The following FBXL17 variants were observed in gnomAD, a reference collection of about 807,000 sequenced individuals.
The protein encoded by FBXL17 is F-box/LRR-repeat protein 17.
A neutral mutation model predicts 66.2 loss-of-function variants in FBXL17; 22 were observed. That is an observed-to-expected ratio of 0.33 (90% confidence interval 0.24 to 0.47). The LOEUF (loss-of-function observed/expected upper bound fraction) is 0.47. FBXL17 is among the 20% of genes least tolerant of loss of function. The pLI, the probability that FBXL17 is intolerant of heterozygous loss-of-function variation, is 1.00. For missense variants in FBXL17, 878 were observed against 948.2 expected (o/e 0.93, Z 0.97); for synonymous variants, 474 against 400.5 (o/e 1.18, Z -2.19).
At chr5:107,883,609 T>A (rs1748866689) in intron 7 of FBXL17, among the ~76,000 whole-genome samples, 2 of 152,150 alleles carry the variant, frequency 1.3e-5, no homozygotes, top group Admixed American at 1.3e-4. Context: ...TCAGAACTGA[T>A]CACCCTAGCA....
In FBXL17 at chr5:108,170,694, C is replaced by T. The variant is rs111595555; in HGVS notation, c.1745+15423G>A. 6.9e-3 allele frequency among the ~76,000 whole-genome samples: 1,043 copies of T among 152,072 alleles called. 15 individuals carry two copies. Among genetic ancestry groups the T allele is most frequent in the African/African-American group, 0.024 (986 of 41,468 alleles). ...GACTATAAGTGTCTGCCACCAGGCC[C>T]GGCTAATTTTTGTATTTTCAGTAGA... On this transcript the variant is annotated intron_variant, in intron 6 of 8. Coordinates refer to ENST00000542267, the MANE Select transcript of FBXL17 (RefSeq NM_001163315.3).
chr5:108,169,092 G>A (rs994832036), intron 6 of FBXL17, among the ~76,000 whole-genome samples: 17 of 152,062 alleles, frequency 1.1e-4, no homozygotes, highest in African/African-American at 3.9e-4. Context: ...GGCCTGCTTG[G>A]TAATACTTTA....
At chr5:108,271,383 C>G (rs1005064621) in intron 4 of FBXL17, among the ~76,000 whole-genome samples, 2 of 152,172 alleles carry the variant, frequency 1.3e-5, no homozygotes, top group Non-Finnish European at 2.9e-5. Flanking sequence ...AGAGGAGGCA[C>G]CAGAATATAC....
At chr5:107,928,332 TG>T (rs1227014673) in intron 7 of FBXL17, among the ~76,000 whole-genome samples, 1 of 152,024 alleles carries the variant, frequency 6.6e-6, no homozygotes, top group Non-Finnish European at 1.5e-5. Context: ...CACCATTAGT[TG>T]AGAAACATTT....
intron 4 of FBXL17, among the ~76,000 whole-genome samples, chr5:108,232,794 T>TATATATATATA (rs1755418084): frequency 5.6e-5 from 7 of 124,772 alleles, no homozygotes; most frequent in African/African-American, 2.3e-4. Flanking sequence ...TATATATATA[T>TATATATATATA]ATATATATAT....
chr5:108,072,344 C>T (rs1372788787), intron 6 of FBXL17, among the ~76,000 whole-genome samples: 1 of 152,144 alleles, frequency 6.6e-6, no homozygotes, highest in Non-Finnish European at 1.5e-5. Flanking sequence ...ATAGTTATTA[C>T]CAGAAATTAA....
At chr5:107,998,037 C>T (rs1304966829) in intron 7 of FBXL17, among the ~76,000 whole-genome samples, 1 of 152,086 alleles carries the variant, frequency 6.6e-6, no homozygotes, top group Non-Finnish European at 1.5e-5. Flanking sequence ...CATAGATAGT[C>T]CAAATTGAGA....
At chr5:108,228,643 C>T (rs1490020906) in intron 4 of FBXL17, among the ~76,000 whole-genome samples, 1 of 152,150 alleles carries the variant, frequency 6.6e-6, no homozygotes, top group Non-Finnish European at 1.5e-5. Context: ...ACTCCAGGTT[C>T]CCCTTTCTTC....
chr5:107,967,125 A>T (rs1198097145), intron 7 of FBXL17, among the ~76,000 whole-genome samples: 1 of 152,086 alleles, frequency 6.6e-6, no homozygotes, highest in Non-Finnish European at 1.5e-5. Flanking sequence ...TACACTATTC[A>T]TATCATTATT....
intron 6 of FBXL17, among the ~76,000 whole-genome samples, chr5:108,149,461 T>C (rs868804142): frequency 6.6e-6 from 1 of 152,316 alleles, no homozygotes; most frequent in African/African-American, 2.4e-5. Context: ...TAAGTAGATC[T>C]CACATTTAAG....
At chr5:108,076,531 T>TA (rs1279783935) in intron 6 of FBXL17, among the ~76,000 whole-genome samples, 2 of 145,924 alleles carry the variant, frequency 1.4e-5, no homozygotes, top group Non-Finnish European at 3.0e-5. Context: ...GAAAGGTTAT[T>TA]AAAAAGCATA....
chr5:108,193,763 G>A (rs968623015), intron 5 of FBXL17, among the ~76,000 whole-genome samples: 3 of 152,014 alleles, frequency 2.0e-5, no homozygotes, highest in African/African-American at 7.2e-5. Context: ...CAGGGTCTTG[G>A]AATTAATAGT....
chr5:107,894,502 C>G (rs1472683613), intron 7 of FBXL17, among the ~76,000 whole-genome samples: 1 of 152,082 alleles, frequency 6.6e-6, no homozygotes, highest in African/African-American at 2.4e-5. Context: ...CCATAGGATG[C>G]AGTTTGGGGC....
chr5:107,978,821 G>C (rs1472694960), intron 7 of FBXL17, among the ~76,000 whole-genome samples: 1 of 152,174 alleles, frequency 6.6e-6, no homozygotes, highest in Non-Finnish European at 1.5e-5. Context: ...CATGTGGCTA[G>C]CCTCACGTTA....
chr5:108,004,781 C>T (rs1753861396), intron 7 of FBXL17, among the ~76,000 whole-genome samples: 1 of 152,064 alleles, frequency 6.6e-6, no homozygotes, highest in Non-Finnish European at 1.5e-5. Context: ...ACTGAAACTT[C>T]TTCATAATCT....
intron 4 of FBXL17, among the ~76,000 whole-genome samples, chr5:108,263,937 C>T (rs920416666): frequency 1.3e-5 from 2 of 152,014 alleles, no homozygotes; most frequent in Admixed American, 6.6e-5. Flanking sequence ...TACTTTATGC[C>T]GGGTGCAGTG....
chr5:107,907,537 C>G (rs141145747), intron 7 of FBXL17, among the ~76,000 whole-genome samples: 1 of 151,944 alleles, frequency 6.6e-6, no homozygotes, highest in Admixed American at 6.6e-5. Flanking sequence ...ATTTTTGCAA[C>G]CTACTCATCT....
At chr5:108,019,147 G>A (rs533013150) in intron 7 of FBXL17, among the ~76,000 whole-genome samples, 2 of 152,176 alleles carry the variant, frequency 1.3e-5, no homozygotes, top group South Asian at 2.1e-4. Context: ...TGCTACTCAC[G>A]AGGTTAGGTA....
At chr5:107,931,386 A>G (rs1331735847) in intron 7 of FBXL17, among the ~76,000 whole-genome samples, 2 of 151,572 alleles carry the variant, frequency 1.3e-5, no homozygotes, top group Non-Finnish European at 2.9e-5. Context: ...CAGCCTCCCA[A>G]GTAGCTGGAA....
Sources: gnomAD v4.1 joint callset for allele counts (sites outside exome capture counted in the v4.1 genomes callset) on GRCh38, gnomAD v4.1.1 for gene constraint, MANE v1.5 for transcripts, NCBI Gene and HGNC (gene_info 2026-07-23, HGNC 2026-07-21) for gene names.